The following NAPB variants were observed in gnomAD, a reference collection of about 807,000 sequenced individuals.
The protein encoded by NAPB is NSF attachment protein beta, also known as beta-soluble NSF attachment protein.
NAPB carries 26 observed loss-of-function variants against 44.7 expected under a neutral mutation model. That is an observed-to-expected ratio of 0.58 (90% CI 0.43 to 0.81). The LOEUF is 0.81. NAPB is among the 30% of genes least tolerant of loss of function. NAPB has a pLI of 0.00. For synonymous variants in NAPB, 120 were observed against 116.8 expected (o/e 1.03, Z -0.18); for missense variants, 315 against 356.4 (o/e 0.88, Z 0.94).
intron 1 of NAPB, among the ~76,000 whole-genome samples, chr20:23,417,376 A>G (rs1223615071): frequency 1.3e-5 from 2 of 152,106 alleles, no homozygotes; most frequent in Admixed American, 6.6e-5. Flanking sequence ...GAGCCACTGC[A>G]CCTGGCCTCC....
At chr20:23,397,346 T>C in intron 2 of NAPB, 158 bp from the exon 3 acceptor site, 1 of 845,166 alleles carries the variant, frequency 1.2e-6, no homozygotes, top group Non-Finnish European at 1.7e-6. Context: ...CTCGGGCAAA[T>C]ATAAAAATAA....
chr20:23,385,304 AG>A, intron 7 of NAPB, among the ~76,000 whole-genome samples: 1 of 152,180 alleles, frequency 6.6e-6, no homozygotes, highest in Non-Finnish European at 1.5e-5. Context: ...GAGACAGAGA[AG>A]GACATTATGT....
intron 10 of NAPB, 136 bp downstream of exon 10, chr20:23,379,309 C>T (rs1255529456): frequency 9.6e-6 from 6 of 623,560 alleles, no homozygotes; most frequent in African/African-American, 1.9e-5. Context: ...TAAAAGGTGA[C>T]GTTTGGAAAA....
At chr20:23,393,859 C>T (rs1055012896) in intron 5 of NAPB, among the ~76,000 whole-genome samples, 9 of 152,154 alleles carry the variant, frequency 5.9e-5, no homozygotes, top group African/African-American at 1.4e-4. Flanking sequence ...GAGTCAGCCA[C>T]GTGGACATCT....
At chr20:23,408,684 G>A (rs766694021) in intron 1 of NAPB, among the ~76,000 whole-genome samples, 8 of 152,210 alleles carry the variant, frequency 5.3e-5, no homozygotes, top group Non-Finnish European at 8.8e-5. Context: ...TTTATGTGAT[G>A]CAAAAGTAGA....
Position 23,377,407 on chromosome 20 carries a change from C to A in NAPB, c.866G>T (p.Gly289Val), listed in dbSNP as rs1418684242. Residue 289 changes from glycine (G) to valine (V), a missense_variant, in exon 11 of 11, where the codon GGG becomes GTG. Gly to Val is a moderately radical substitution (Grantham distance 109). This residue lies in a region of NAPB where 120 missense variants were observed against 130.5 expected (regional missense o/e 0.92). Coordinates refer to ENST00000377026, the MANE Select transcript of NAPB (RefSeq NM_022080.3). ...TAGGTCTCCATCTCCTTCTCCATCC[C>A]CTTGGATGGACTTTTTGATGCGAAG... The part of the protein sequence containing the change: ...MLLRIKKSIQ[G>V]DGEGDGDLK 1 of 1,599,744 alleles carries A rather than the reference C, an allele frequency of 6.3e-7. No homozygotes were observed. The highest frequency in any genetic ancestry group is 1.7e-5 in the Admixed American group (1 of 59,258).
chr20:23,407,998 A>ATG (rs1326742509), intron 1 of NAPB, among the ~76,000 whole-genome samples: 1 of 152,220 alleles, frequency 6.6e-6, no homozygotes, highest in East Asian at 1.9e-4. Context: ...CACACACATC[A>ATG]TGAGATGTAC....
At chr20:23,420,717 C>A (rs1986343772) in intron 1 of NAPB, among the ~76,000 whole-genome samples, 1 of 152,156 alleles carries the variant, frequency 6.6e-6, no homozygotes, top group Admixed American at 6.5e-5. Flanking sequence ...CTCAGGGAGC[C>A]GCTGACCTTC....
At position 23,402,918 on chromosome 20, in the gene NAPB, G is replaced by C. The variant is rs1984950710; in HGVS notation, c.178+75C>G. ...GGGCCAATAGTCTTGCTCTTCAAGG[G>C]GAAAACAGTCATTTCTCCCTTCAAA... On this transcript the variant is annotated intron_variant, in intron 2 of 10. Transcript: ENST00000377026. The C allele has an allele frequency of 3.4e-6, 4 of 1,170,186 alleles. No homozygotes were observed. In the Admixed American group the frequency reaches 7.7e-5, roughly 23 times the overall value. 72.5% of individuals were successfully genotyped at this position (1,170,186 alleles called of 1,614,324 possible).
chr20:23,382,041 C>G (rs12625468), intron 7 of NAPB, among the ~76,000 whole-genome samples: 17,386 of 152,156 alleles, frequency 0.11, 1,752 homozygotes, highest in African/African-American at 0.27. Flanking sequence ...ACACTGGGAG[C>G]CTGCATCCTG....
chr20:23,409,127 C>T (rs905378416), intron 1 of NAPB, among the ~76,000 whole-genome samples: 2 of 152,186 alleles, frequency 1.3e-5, no homozygotes, highest in African/African-American at 2.4e-5. Context: ...AGCAGCCAGG[C>T]CTGTCTTGGC....
At chr20:23,404,730 A>C (rs942271884) in intron 1 of NAPB, among the ~76,000 whole-genome samples, 1 of 152,240 alleles carries the variant, frequency 6.6e-6, no homozygotes, top group East Asian at 1.9e-4. Context: ...ACCTTTGGGA[A>C]TATTACATTG....
intron 7 of NAPB, among the ~76,000 whole-genome samples, chr20:23,384,417 G>C (rs1983306363): frequency 6.6e-6 from 1 of 151,936 alleles, no homozygotes; most frequent in Non-Finnish European, 1.5e-5. Context: ...TTGAGCTCAG[G>C]AGTTCAAGAC....
intron 2 of NAPB, among the ~76,000 whole-genome samples, chr20:23,399,829 T>C (rs573035503): frequency 1.3e-5 from 2 of 152,364 alleles, no homozygotes; most frequent in South Asian, 4.1e-4. Context: ...AGCTTGGACT[T>C]CGCAAGTAAA....
chr20:23,379,180 G>A, intron 10 of NAPB: 1 of 339,940 alleles, frequency 2.9e-6, no homozygotes, highest in Non-Finnish European at 5.3e-6. Context: ...AATTAAAACA[G>A]CAAATTATAA....
At chr20:23,390,879 C>T (rs964977431) in intron 5 of NAPB, among the ~76,000 whole-genome samples, 1 of 152,098 alleles carries the variant, frequency 6.6e-6, no homozygotes, top group Non-Finnish European at 1.5e-5. Flanking sequence ...TTAAGTGTCA[C>T]CTAGAATAAG....
In NAPB at chr20:23,402,980, A is replaced by G; in HGVS notation, c.178+13T>C. 6.2e-7 allele frequency: 1 copy of G among 1,606,352 alleles called. No homozygotes were observed. Among genetic ancestry groups the G allele is most frequent in the Non-Finnish European group, 8.5e-7 (1 of 1,175,866 alleles). The stretch of plus-strand genomic sequence containing the variant: ...CCATTTGCCTAAAAAGCAAACAAAA[A>G]CTTTGTACATACCACTCCAATTTTT... On this transcript the variant is annotated intron_variant, in intron 2 of 10. Coordinates refer to ENST00000377026, the MANE Select transcript of NAPB (RefSeq NM_022080.3).
At chr20:23,403,209 G>C (rs968210013) in intron 1 of NAPB, 137 bp from the exon 2 acceptor site, 3 of 664,890 alleles carry the variant, frequency 4.5e-6, no homozygotes, top group Non-Finnish European at 7.6e-6. Context: ...ATTTAAAGGA[G>C]ATACTCTTAC....
chr20:23,387,781 C>CA (rs1167793465), intron 7 of NAPB, among the ~76,000 whole-genome samples: 1 of 152,116 alleles, frequency 6.6e-6, no homozygotes, highest in Non-Finnish European at 1.5e-5. Flanking sequence ...CATCGACTGT[C>CA]AGACTTAGTA....
Sources: gnomAD v4.1 joint callset for allele counts (sites outside exome capture counted in the v4.1 genomes callset) on GRCh38, gnomAD v4.1.1 for gene constraint, gnomAD v4.1.1 regional missense constraint, MANE v1.5 for transcripts, NCBI Gene and HGNC (gene_info 2026-07-23, HGNC 2026-07-21) for gene names.